The following PSD3 variants were observed in gnomAD, a reference collection of about 807,000 sequenced individuals.
PSD3 encodes the protein pleckstrin and Sec7 domain containing 3, also known as PH and SEC7 domain-containing protein 3.
A neutral mutation model predicts 105.5 loss-of-function variants in PSD3; 49 were observed. That is an observed-to-expected ratio of 0.46 (90% CI 0.37 to 0.59). PSD3 has a LOEUF of 0.59. PSD3 is among the 20% of genes least tolerant of loss of function. PSD3 has a pLI of 0.00. For synonymous variants in PSD3, 557 were observed against 457.8 expected (o/e 1.22, Z -2.77); for missense variants, 1,561 against 1,263.8 (o/e 1.24, Z -3.57).
At chr8:18,590,089 T>C (rs1437388690) in intron 12 of PSD3, among the ~76,000 whole-genome samples, 1 of 152,052 alleles carries the variant, frequency 6.6e-6, no homozygotes. Flanking sequence ...TACAGTATAG[T>C]TGAAATATAA....
chr8:18,829,257 A>G (rs1813479770), intron 4 of PSD3, among the ~76,000 whole-genome samples: 1 of 152,166 alleles, frequency 6.6e-6, no homozygotes. Context: ...TTTTTTAAAA[A>G]ACGGGCAAAT....
rs528758801 is a variant in PSD3 at position 18,871,971 on chromosome 8, T to G, written c.893A>C (p.His298Pro). 1.2e-6 allele frequency: 2 copies of G among 1,614,032 alleles called. No individual in the cohort carries two copies. Among genetic ancestry groups the G allele is most frequent in the South Asian group, 1.1e-5 (1 of 91,070 alleles). ...TATTTCCACTCCTTGAAATTCCACATGTTTGACCCGGCCTGGGCGTCCCAT... is the reference window on the plus strand; with the variant it reads ...TATTTCCACTCCTTGAAATTCCACAGGTTTGACCCGGCCTGGGCGTCCCAT... The part of the protein sequence containing the change: ...SSMGRPGRVK[H>P]VEFQGVEILW... Residue 298 changes from histidine to proline, a missense_variant, in exon 3 of 16, where the codon CAT becomes CCT. By Grantham distance (77) the His-to-Pro change is moderately conservative. Coordinates refer to ENST00000327040, the MANE Select transcript of PSD3 (RefSeq NM_015310.4).
At chr8:18,601,128 A>G (rs1254167170) in intron 11 of PSD3, among the ~76,000 whole-genome samples, 1 of 152,212 alleles carries the variant, frequency 6.6e-6, no homozygotes, top group Non-Finnish European at 1.5e-5. Flanking sequence ...AATCATACAA[A>G]TTATCCAAAA....
intron 9 of PSD3, among the ~76,000 whole-genome samples, chr8:18,671,512 TACAATGAATTAA>T (rs1563160076): frequency 6.6e-6 from 1 of 152,260 alleles, no homozygotes; most frequent in Non-Finnish European, 1.5e-5. Context: ...TTCTTTCTTA[TACAATGAATTAA>T]AGGTTAACTT....
chr8:18,540,578 A>G (rs905886022), intron 15 of PSD3, among the ~76,000 whole-genome samples: 3 of 152,146 alleles, frequency 2.0e-5, no homozygotes, highest in African/African-American at 7.2e-5. Context: ...TTGTCCATCT[A>G]TCTTCAGAAC....
At chr8:18,550,888 T>C (rs1800727180) in intron 15 of PSD3, among the ~76,000 whole-genome samples, 1 of 152,244 alleles carries the variant, frequency 6.6e-6, no homozygotes, top group South Asian at 2.1e-4. Flanking sequence ...TCATGTCTTC[T>C]GTAAAGGAGA....
intron 8 of PSD3, chr8:18,774,791 C>A (rs903272941): frequency 4.7e-6 from 2 of 426,832 alleles, no homozygotes; most frequent in African/African-American, 2.0e-5. Context: ...TCTAAGAGAA[C>A]TGGAATGTCG....
intron 2 of PSD3, among the ~76,000 whole-genome samples, chr8:18,879,201 C>G (rs1255990171): frequency 2.0e-5 from 3 of 152,084 alleles, no homozygotes; most frequent in African/African-American, 7.2e-5. Flanking sequence ...TGAAATGTCC[C>G]TCAGAAAGGG....
chr8:18,600,571 C>T lies in PSD3; in HGVS notation c.2411-137G>A, dbSNP rs190421093. The T allele has an allele frequency of 4.1e-4, 291 of 714,632 alleles. 2 individuals carry two copies. In the East Asian group the frequency reaches 6.9e-3, roughly 17 times the overall value. 44.3% of individuals were successfully genotyped at this position (714,632 alleles called of 1,614,324 possible). A position where few individuals can be genotyped will look rare whatever the true frequency, so the allele number is the denominator to read the frequency against. Reference sequence around the variant, plus strand: ...TAATAACAATAAGAACTAAAATTTTCTGAGCCTTATGGTGTACCAGGCGGC... The same window carrying T: ...TAATAACAATAAGAACTAAAATTTTTTGAGCCTTATGGTGTACCAGGCGGC... On this transcript the variant is annotated intron_variant, in intron 11 of 15. Coordinates refer to ENST00000327040, the MANE Select transcript of PSD3 (RefSeq NM_015310.4).
At chr8:18,608,086 G>GAT (rs1168078364) in intron 11 of PSD3, among the ~76,000 whole-genome samples, 1 of 152,158 alleles carries the variant, frequency 6.6e-6, no homozygotes, top group Non-Finnish European at 1.5e-5. Context: ...CAGGCATGCT[G>GAT]ATGCATGCCT....
intron 2 of PSD3, among the ~76,000 whole-genome samples, chr8:18,906,733 CAAGT>C (rs989606258): frequency 6.6e-6 from 1 of 152,048 alleles, no homozygotes; most frequent in Non-Finnish European, 1.5e-5. Context: ...GAAATAAAAA[CAAGT>C]AAGTTCCAAA....
At chr8:18,677,420 A>G (rs1800119078) in intron 9 of PSD3, among the ~76,000 whole-genome samples, 1 of 151,992 alleles carries the variant, frequency 6.6e-6, no homozygotes. Flanking sequence ...TCTATTAAAA[A>G]TAAAAAAAAA....
chr8:18,693,676 T>C lies in PSD3; in HGVS notation c.2173-37991A>G, dbSNP rs185001727. 1.5e-3 allele frequency among the ~76,000 whole-genome samples: 234 copies of C among 152,324 alleles called. 4 individuals carry two copies. The highest frequency in any genetic ancestry group is 0.014 in the Admixed American group (211 of 15,298). ...CCCCTGTTGCAGTTGTGGTGGCAACTGCAGGCTACTAGCCCCACACTTTTC... is the reference window on the plus strand; with the variant it reads ...CCCCTGTTGCAGTTGTGGTGGCAACCGCAGGCTACTAGCCCCACACTTTTC... On this transcript the variant is annotated intron_variant, in intron 9 of 15. Transcript: ENST00000327040.
chr8:18,559,518 T>A (rs1327176403), intron 14 of PSD3, among the ~76,000 whole-genome samples: 1 of 152,180 alleles, frequency 6.6e-6, no homozygotes, highest in Non-Finnish European at 1.5e-5. Flanking sequence ...AAACTCTTTC[T>A]ATTTGTGGTT....
In PSD3 at chr8:18,760,575, C is replaced by T. The variant is rs939024476; in HGVS notation, c.2172+4874G>A. Among the ~76,000 whole-genome samples, 3 of 152,174 alleles carry T rather than the reference C, an allele frequency of 2.0e-5. No homozygotes were observed. The East Asian group carries it at 5.8e-4, about 29-fold the overall frequency. On this transcript the variant is annotated intron_variant, in intron 9 of 15. Transcript: ENST00000327040. ...CGATGTCACAAATGACAGAATTCCTCCTTTTTAAGGCCAAATAATATTCCA... is the reference window on the plus strand; with the variant it reads ...CGATGTCACAAATGACAGAATTCCTTCTTTTTAAGGCCAAATAATATTCCA...
chr8:18,899,104 G>A, intron 2 of PSD3, among the ~76,000 whole-genome samples: 1 of 152,128 alleles, frequency 6.6e-6, no homozygotes, highest in East Asian at 1.9e-4. Context: ...ATTATCTCAT[G>A]TCAATTTGTT....
intron 4 of PSD3, among the ~76,000 whole-genome samples, chr8:18,829,588 T>C (rs993455994): frequency 2.6e-5 from 4 of 152,186 alleles, no homozygotes; most frequent in African/African-American, 9.6e-5. Context: ...CTTTGGCTCA[T>C]GTTATTGTTT....
chr8:18,590,707 G>C (rs1803536084), intron 12 of PSD3, among the ~76,000 whole-genome samples: 1 of 152,106 alleles, frequency 6.6e-6, no homozygotes, highest in Non-Finnish European at 1.5e-5. Context: ...GAGTATGTCT[G>C]AAAGTGGGGG....
intron 9 of PSD3, among the ~76,000 whole-genome samples, chr8:18,671,624 G>C (rs536457001): frequency 6.7e-5 from 10 of 150,216 alleles, no homozygotes; most frequent in African/African-American, 2.5e-4. Context: ...TCCTGATTTT[G>C]TTTTTTTGTT....
Sources: allele counts gnomAD v4.1 joint callset (sites outside exome capture counted in the v4.1 genomes callset), GRCh38; gene constraint gnomAD v4.1.1; transcripts MANE v1.5; gene names NCBI Gene and HGNC (gene_info 2026-07-23, HGNC 2026-07-21).